The following FRMD4A variants were observed in gnomAD, a reference collection of about 807,000 sequenced individuals.
The protein encoded by FRMD4A is FERM domain-containing protein 4A.
Under a neutral mutation model 129.1 loss-of-function variants are expected in FRMD4A, and 29 were observed. The observed-to-expected ratio is 0.22, with a 90% confidence interval of 0.17 to 0.31. The LOEUF is 0.31. FRMD4A is among the 10% of genes least tolerant of loss of function. The pLI is 1.00. For synonymous variants in FRMD4A, 634 were observed against 571.6 expected (o/e 1.11, Z -1.56); for missense variants, 1,272 against 1,375.8 (o/e 0.92, Z 1.19).
chr10:13,860,943 C>A (rs907163281), intron 2 of FRMD4A, among the ~76,000 whole-genome samples: 1 of 152,136 alleles, frequency 6.6e-6, no homozygotes, highest in African/African-American at 2.4e-5. Context: ...TTCTCTCATG[C>A]GCCACGGGAC....
chr10:13,935,295 A>G lies in FRMD4A; in HGVS notation c.46-76383T>C, dbSNP rs544563452. 2.0e-5 allele frequency among the ~76,000 whole-genome samples: 3 copies of G among 151,894 alleles called. No individual in the cohort carries two copies. In the East Asian group the frequency reaches 5.8e-4, roughly 29 times the overall value. Reference sequence around the variant, plus strand: ...TCTACTAAAAATACAAAAACTAGCCATGTGTGGTGGTGCACACCTGCAATC... The same window carrying G: ...TCTACTAAAAATACAAAAACTAGCCGTGTGTGGTGGTGCACACCTGCAATC... On this transcript the variant is annotated intron_variant, in intron 2 of 24. Transcript: ENST00000357447.
At chr10:14,151,812 C>G (rs550332023) in intron 2 of FRMD4A, among the ~76,000 whole-genome samples, 1 of 152,158 alleles carries the variant, frequency 6.6e-6, no homozygotes, top group South Asian at 2.1e-4. Flanking sequence ...TATTTTCTCC[C>G]TTTTTCTCTC....
At chr10:14,008,323 A>G (rs2095669856) in intron 2 of FRMD4A, 1 of 1,038,576 alleles carries the variant, frequency 9.6e-7, no homozygotes, top group Non-Finnish European at 1.2e-6. Flanking sequence ...CTGAGTCAAG[A>G]TGTGGTTTGT....
At chr10:14,082,255 A>T (rs1246981104) in intron 2 of FRMD4A, among the ~76,000 whole-genome samples, 1 of 152,152 alleles carries the variant, frequency 6.6e-6, no homozygotes, top group Non-Finnish European at 1.5e-5. Context: ...TAAAAAAAAA[A>T]TACAAACACA....
intron 2 of FRMD4A, among the ~76,000 whole-genome samples, chr10:14,055,251 G>A (rs552489367): frequency 6.6e-6 from 1 of 152,148 alleles, no homozygotes; most frequent in South Asian, 2.1e-4. Context: ...GAGATTCAAG[G>A]AACTGAGGTT....
intron 2 of FRMD4A, among the ~76,000 whole-genome samples, chr10:13,929,875 A>G (rs957869184): frequency 6.6e-6 from 1 of 152,162 alleles, no homozygotes; most frequent in Non-Finnish European, 1.5e-5. Context: ...CAGTTTGCTC[A>G]TCTATCAAAT....
chr10:13,713,718 G>C (rs1173510101), intron 12 of FRMD4A, among the ~76,000 whole-genome samples: 4 of 149,636 alleles, frequency 2.7e-5, no homozygotes, highest in Non-Finnish European at 5.9e-5. Flanking sequence ...GTAAGGTTTT[G>C]CTATTGGAGC....
chr10:13,682,164 C>T (rs1364449739), intron 15 of FRMD4A, among the ~76,000 whole-genome samples: 2 of 152,130 alleles, frequency 1.3e-5, no homozygotes, highest in Non-Finnish European at 2.9e-5. Context: ...GTTGAGGCTA[C>T]TGTGAGCTGT....
intron 2 of FRMD4A, among the ~76,000 whole-genome samples, chr10:14,167,368 C>A (rs1318990610): frequency 1.1e-4 from 16 of 151,680 alleles, no homozygotes; most frequent in African/African-American, 3.9e-4. Flanking sequence ...CCTGTCTCTA[C>A]TAAAAGTGCA....
At chr10:13,752,096 C>A (rs2091655376) in intron 8 of FRMD4A, among the ~76,000 whole-genome samples, 1 of 152,208 alleles carries the variant, frequency 6.6e-6, no homozygotes, top group Non-Finnish European at 1.5e-5. Flanking sequence ...AGAATAACAT[C>A]CAAGTCTTCT....
At chr10:13,835,336 G>A (rs2093855958) in intron 3 of FRMD4A, among the ~76,000 whole-genome samples, 1 of 152,186 alleles carries the variant, frequency 6.6e-6, no homozygotes, top group Non-Finnish European at 1.5e-5. Context: ...TGCCTGGCAT[G>A]TAAACAGTCA....
At chr10:13,962,533 T>A (rs1489137564) in intron 2 of FRMD4A, among the ~76,000 whole-genome samples, 1 of 152,112 alleles carries the variant, frequency 6.6e-6, no homozygotes, top group Admixed American at 6.6e-5. Flanking sequence ...TTTAGTGAAA[T>A]ATGCATTTTT....
chr10:14,307,864 C>T (rs1846404956), intron 2 of FRMD4A, among the ~76,000 whole-genome samples: 1 of 152,240 alleles, frequency 6.6e-6, no homozygotes, highest in Non-Finnish European at 1.5e-5. Context: ...TTAGAACTGA[C>T]TCTAGCCCTG....
At chr10:14,033,482 T>C (rs896727017) in intron 2 of FRMD4A, among the ~76,000 whole-genome samples, 5 of 151,888 alleles carry the variant, frequency 3.3e-5, no homozygotes, top group Non-Finnish European at 7.4e-5. Flanking sequence ...CAATGGCTGA[T>C]TGGATAAAGA....
At position 13,933,693 on chromosome 10, in the gene FRMD4A, A is replaced by G. The variant is rs560225554; in HGVS notation, c.46-74781T>C. Among the ~76,000 whole-genome samples the G allele has an allele frequency of 4.6e-5, 7 of 152,290 alleles. No individual in the cohort carries two copies. The East Asian group carries it at 7.7e-4, about 17-fold the overall frequency. ...TCTTTTCCAGATTTTCAACATAAGAAGTTTTGTTGTTTTTGTTGATATTTT... is the reference window on the plus strand; with the variant it reads ...TCTTTTCCAGATTTTCAACATAAGAGGTTTTGTTGTTTTTGTTGATATTTT... On this transcript the variant is annotated intron_variant, in intron 2 of 24. Coordinates refer to ENST00000357447, the MANE Select transcript of FRMD4A (RefSeq NM_018027.5).
At chr10:14,088,910 G>A (rs1836468387) in intron 2 of FRMD4A, among the ~76,000 whole-genome samples, 2 of 152,146 alleles carry the variant, frequency 1.3e-5, no homozygotes, top group South Asian at 4.1e-4. Flanking sequence ...CACAGCTAAG[G>A]TGTGGAGGAG....
intron 12 of FRMD4A, among the ~76,000 whole-genome samples, chr10:13,719,419 G>A (rs2089195963): frequency 1.3e-5 from 2 of 152,002 alleles, no homozygotes; most frequent in African/African-American, 4.8e-5. Context: ...ATGTTGCCTA[G>A]AAATTGCCTC....
chr10:13,903,794 G>A (rs1355062884), intron 2 of FRMD4A, among the ~76,000 whole-genome samples: 1 of 152,092 alleles, frequency 6.6e-6, no homozygotes, highest in East Asian at 1.9e-4. Flanking sequence ...GAAGTGGGAA[G>A]ATGGTGTGAA....
At chr10:14,076,608 C>G (rs7099682) in intron 2 of FRMD4A, among the ~76,000 whole-genome samples, 34,712 of 151,746 alleles carry the variant, frequency 0.23, 4,490 homozygotes, top group East Asian at 0.43. Context: ...CCACTGCACT[C>G]CAGCCTGGGC....
Sources: allele counts gnomAD v4.1 joint callset (sites outside exome capture counted in the v4.1 genomes callset), GRCh38; gene constraint gnomAD v4.1.1; transcripts MANE v1.5; gene names NCBI Gene and HGNC (gene_info 2026-07-23, HGNC 2026-07-21).